ARB2A: variants seen among roughly 807,000 people sequenced by gnomAD.
ARB2A encodes ARB2 cotranscriptional regulator A, also known as cotranscriptional regulator ARB2A.
the ARB2A span, among the ~76,000 whole-genome samples, chr5:93,854,406 G>A: frequency 1.3e-5 from 2 of 152,048 alleles, no homozygotes; most frequent in African/African-American, 4.8e-5. Context: ...CAAAAAACCA[G>A]CTCCTAGATT....
At chr5:93,747,512 A>G in the ARB2A span, among the ~76,000 whole-genome samples, 5 of 152,176 alleles carry the variant, frequency 3.3e-5, no homozygotes, top group African/African-American at 7.2e-5. Context: ...ACCTAAATAT[A>G]TAGATTAAAA....
At chr5:93,715,127 AC>A in the ARB2A span, among the ~76,000 whole-genome samples, 1 of 152,192 alleles carries the variant, frequency 6.6e-6, no homozygotes, top group Non-Finnish European at 1.5e-5. Context: ...CATTACAACT[AC>A]TTTTGTGAAA....
At chr5:93,678,822 A>G in the ARB2A span, among the ~76,000 whole-genome samples, 5 of 152,168 alleles carry the variant, frequency 3.3e-5, no homozygotes, top group African/African-American at 1.2e-4. Context: ...TAACAAGTTA[A>G]TGGCAAGCCA....
At chr5:93,868,773 G>C in the ARB2A span, among the ~76,000 whole-genome samples, 1 of 152,148 alleles carries the variant, frequency 6.6e-6, no homozygotes, top group African/African-American at 2.4e-5. Context: ...CAATATATCT[G>C]CTCAATGCAA....
At chr5:94,042,120 A>G in the ARB2A span, among the ~76,000 whole-genome samples, 1 of 152,196 alleles carries the variant, frequency 6.6e-6, no homozygotes, top group African/African-American at 2.4e-5. Context: ...TTAAAGTTAG[A>G]TGGAATAAAG....
the ARB2A span, among the ~76,000 whole-genome samples, chr5:93,883,722 G>A: frequency 6.6e-6 from 1 of 151,414 alleles, no homozygotes; most frequent in Non-Finnish European, 1.5e-5. Context: ...GTTGCACTCT[G>A]CTAAACAGGG....
the ARB2A span, among the ~76,000 whole-genome samples, chr5:94,048,922 A>T: frequency 2.0e-5 from 3 of 152,202 alleles, no homozygotes; most frequent in Non-Finnish European, 4.4e-5. Context: ...ACAGAAATGC[A>T]GGAGATCAAA....
the ARB2A span, among the ~76,000 whole-genome samples, chr5:93,852,206 G>A: frequency 1.3e-5 from 2 of 152,150 alleles, no homozygotes; most frequent in Non-Finnish European, 2.9e-5. Context: ...GATGGCCAGT[G>A]ATGGTGAGCA....
At chr5:94,023,484 A>G in the ARB2A span, among the ~76,000 whole-genome samples, 14 of 152,228 alleles carry the variant, frequency 9.2e-5, no homozygotes, top group African/African-American at 3.4e-4. Context: ...TGTGTATTCA[A>G]ATAATTACAC....
the ARB2A span, among the ~76,000 whole-genome samples, chr5:93,956,477 T>C: frequency 6.6e-6 from 1 of 152,196 alleles, no homozygotes; most frequent in Non-Finnish European, 1.5e-5. Flanking sequence ...TAAGGAAATA[T>C]TATTAACAAC....
chr5:93,946,071 G>A, the ARB2A span, among the ~76,000 whole-genome samples: 1 of 152,092 alleles, frequency 6.6e-6, no homozygotes, highest in Non-Finnish European at 1.5e-5. Flanking sequence ...CAAGTAGACT[G>A]AAGGCATTTT....
chr5:93,822,357 G>T, the ARB2A span, among the ~76,000 whole-genome samples: 1 of 152,152 alleles, frequency 6.6e-6, no homozygotes. Flanking sequence ...TGACACACTG[G>T]TCATCTGTTA....
chr5:93,697,225 T>TTAG, the ARB2A span, among the ~76,000 whole-genome samples: 1 of 152,068 alleles, frequency 6.6e-6, no homozygotes, highest in Non-Finnish European at 1.5e-5. Flanking sequence ...GATAGGTTCA[T>TTAG]CTCATCAGAC....
chr5:93,966,057 G>A, the ARB2A span, among the ~76,000 whole-genome samples: 1 of 151,864 alleles, frequency 6.6e-6, no homozygotes, highest in Non-Finnish European at 1.5e-5. Flanking sequence ...TACCTTCACT[G>A]GGATGTAGTG....
chr5:93,899,613 T>G, the ARB2A span, among the ~76,000 whole-genome samples: 1 of 152,152 alleles, frequency 6.6e-6, no homozygotes, highest in Non-Finnish European at 1.5e-5. Flanking sequence ...CGATCAACTT[T>G]AGAAATATCT....
chr5:93,820,220 T>A, the ARB2A span, among the ~76,000 whole-genome samples: 177 of 152,308 alleles, frequency 1.2e-3, no homozygotes, highest in African/African-American at 4.0e-3. Flanking sequence ...TCCATTCAAA[T>A]TGATATATTG....
chr5:93,756,768 G>A, the ARB2A span, among the ~76,000 whole-genome samples: 1 of 152,062 alleles, frequency 6.6e-6, no homozygotes, highest in South Asian at 2.1e-4. Context: ...CCACCCAAAT[G>A]GGAAGGAACC....
chr5:93,778,195 A>C, the ARB2A span, among the ~76,000 whole-genome samples: 1 of 152,242 alleles, frequency 6.6e-6, no homozygotes, highest in African/African-American at 2.4e-5. Context: ...TAGCAGTTGA[A>C]TGCAAAATTA....
the ARB2A span, among the ~76,000 whole-genome samples, chr5:93,755,893 G>A: frequency 1.3e-5 from 2 of 152,210 alleles, no homozygotes; most frequent in African/African-American, 4.8e-5. Flanking sequence ...CAGAACTCGG[G>A]GGAGGGTGCA....
Sources: allele counts gnomAD v4.1 joint callset (sites outside exome capture counted in the v4.1 genomes callset), GRCh38; gene constraint gnomAD v4.1.1; transcripts MANE v1.5; gene names NCBI Gene and HGNC (gene_info 2026-07-23, HGNC 2026-07-21).